GPR39: variants seen among roughly 807,000 people sequenced by gnomAD.
GPR39 encodes the protein zinc sensing receptor.
In GPR39, 23 loss-of-function variants were observed where a neutral mutation model predicts 18.4. That is an observed-to-expected ratio of 1.25 (90% CI 0.90 to 1.77). The LOEUF (loss-of-function observed/expected upper bound fraction) is 1.77, where lower values mean the gene tolerates loss of function less well. Ranked by LOEUF, GPR39 falls within the 40% of genes most tolerant of loss-of-function variation. GPR39 has a pLI of 0.00. For synonymous variants in GPR39, 280 were observed against 257.9 expected, an observed-to-expected ratio of 1.09 and a Z score of -0.82; for missense variants, 647 against 602.4, an observed-to-expected ratio of 1.07 and a Z score of -0.78.
intron 1 of GPR39, among the ~76,000 whole-genome samples, chr2:132,431,623 G>GT (rs1010743411): frequency 6.6e-6 from 1 of 152,122 alleles, no homozygotes; most frequent in Non-Finnish European, 1.5e-5. Flanking sequence ...TCTTGGTGAT[G>GT]TTTTTTTGAA....
intron 1 of GPR39, among the ~76,000 whole-genome samples, chr2:132,583,298 T>A (rs547924236): frequency 6.6e-6 from 1 of 151,652 alleles, no homozygotes; most frequent in African/African-American, 2.4e-5. Flanking sequence ...TTACTGTGGG[T>A]CAAAACGTTT....
At chr2:132,634,068 G>GTA (rs1389699072) in intron 1 of GPR39, among the ~76,000 whole-genome samples, 3 of 151,856 alleles carry the variant, frequency 2.0e-5, no homozygotes, top group African/African-American at 7.3e-5. Flanking sequence ...GGTGGCAGTA[G>GTA]TAGCAGTGGT....
At chr2:132,469,114 A>G (rs1680983594) in intron 1 of GPR39, among the ~76,000 whole-genome samples, 1 of 152,110 alleles carries the variant, frequency 6.6e-6, no homozygotes, top group Non-Finnish European at 1.5e-5. Flanking sequence ...AATTCCTGCA[A>G]GTTGCTTCAT....
At chr2:132,591,192 A>G (rs1680830059) in intron 1 of GPR39, among the ~76,000 whole-genome samples, 2 of 138,472 alleles carry the variant, frequency 1.4e-5, no homozygotes, top group East Asian at 2.5e-4. Context: ...CGGAGCTTGC[A>G]GTGAGCCGAG....
At chr2:132,444,959 A>G (rs1176572199) in intron 1 of GPR39, among the ~76,000 whole-genome samples, 1 of 152,202 alleles carries the variant, frequency 6.6e-6, no homozygotes, top group Admixed American at 6.5e-5. Context: ...AGAGCCAGAT[A>G]AGATAAGAAC....
intron 1 of GPR39, among the ~76,000 whole-genome samples, chr2:132,610,400 G>A (rs561678921): frequency 4.2e-4 from 64 of 152,270 alleles, no homozygotes; most frequent in African/African-American, 1.5e-3. Flanking sequence ...GATGGCTTGA[G>A]AGAAGATTAT....
intron 1 of GPR39, among the ~76,000 whole-genome samples, chr2:132,575,088 CTTTCTT>C (rs148020034): frequency 0.01 from 1,522 of 152,146 alleles, 12 homozygotes; most frequent in Non-Finnish European, 0.014. Context: ...TAATCTTCAA[CTTTCTT>C]TTTCTAACAT....
intron 1 of GPR39, among the ~76,000 whole-genome samples, chr2:132,457,679 G>A (rs1288386545): frequency 1.3e-5 from 2 of 152,240 alleles, no homozygotes; most frequent in East Asian, 3.9e-4. Context: ...TGTCAGACAG[G>A]GACGTTTAAG....
chr2:132,510,290 G>C (rs1387145500), intron 1 of GPR39, among the ~76,000 whole-genome samples: 1 of 152,164 alleles, frequency 6.6e-6, no homozygotes, highest in Non-Finnish European at 1.5e-5. Flanking sequence ...TTGTTTGCAG[G>C]CAGGCAGCAA....
chr2:132,630,360 G>C (rs944687751), intron 1 of GPR39, among the ~76,000 whole-genome samples: 1 of 152,160 alleles, frequency 6.6e-6, no homozygotes, highest in African/African-American at 2.4e-5. Context: ...GGAGAGAAGA[G>C]AGACTAACTG....
intron 1 of GPR39, among the ~76,000 whole-genome samples, chr2:132,628,444 G>A (rs963546864): frequency 6.6e-6 from 1 of 152,202 alleles, no homozygotes; most frequent in Non-Finnish European, 1.5e-5. Flanking sequence ...GCAGGAGAGA[G>A]GAGGAGTCCT....
At chr2:132,641,788 A>G (rs1681860860) in intron 1 of GPR39, among the ~76,000 whole-genome samples, 1 of 152,208 alleles carries the variant, frequency 6.6e-6, no homozygotes, top group Non-Finnish European at 1.5e-5. Context: ...ATTTCCAGTG[A>G]ACAGCACTGT....
chr2:132,631,977 C>T (rs1681658319), intron 1 of GPR39, among the ~76,000 whole-genome samples: 1 of 152,066 alleles, frequency 6.6e-6, no homozygotes, highest in African/African-American at 2.4e-5. Context: ...CATGCACCAC[C>T]ATGCCCAGCT....
intron 1 of GPR39, among the ~76,000 whole-genome samples, chr2:132,458,057 A>G (rs1680764293): frequency 6.6e-6 from 1 of 152,188 alleles, no homozygotes; most frequent in Non-Finnish European, 1.5e-5. Context: ...TTGGCTAGGA[A>G]AGGGAAATCT....
At chr2:132,459,975 G>T (rs1314932781) in intron 1 of GPR39, among the ~76,000 whole-genome samples, 1 of 152,182 alleles carries the variant, frequency 6.6e-6, no homozygotes, top group Non-Finnish European at 1.5e-5. Context: ...TCATGTTCCA[G>T]AGTATCAGAC....
At chr2:132,501,567 A>G (rs2104750813) in intron 1 of GPR39, among the ~76,000 whole-genome samples, 1 of 152,222 alleles carries the variant, frequency 6.6e-6, no homozygotes, top group Admixed American at 6.5e-5. Flanking sequence ...TGTTGGGTGG[A>G]ATGTTCTGTA....
At chr2:132,613,519 C>G (rs1318160767) in intron 1 of GPR39, among the ~76,000 whole-genome samples, 1 of 152,198 alleles carries the variant, frequency 6.6e-6, no homozygotes, top group African/African-American at 2.4e-5. Flanking sequence ...TGATTAAGCA[C>G]AGCCCTTAGG....
At chr2:132,480,450 A>T (rs1681213028) in intron 1 of GPR39, among the ~76,000 whole-genome samples, 1 of 152,222 alleles carries the variant, frequency 6.6e-6, no homozygotes, top group Non-Finnish European at 1.5e-5. Flanking sequence ...AAAAGAATAT[A>T]GATACAGCGG....
chr2:132,578,515 A>G (rs1405137058), intron 1 of GPR39, among the ~76,000 whole-genome samples: 3 of 151,868 alleles, frequency 2.0e-5, no homozygotes, highest in Admixed American at 6.6e-5. Flanking sequence ...TGGTGGGGGG[A>G]GATTTTTTAA....
Sources: gnomAD v4.1 joint callset for allele counts (sites outside exome capture counted in the v4.1 genomes callset) on GRCh38, gnomAD v4.1.1 for gene constraint, MANE v1.5 for transcripts, NCBI Gene and HGNC (gene_info 2026-07-23, HGNC 2026-07-21) for gene names.